The following ASIC2 variants were observed in gnomAD, a reference collection of about 807,000 sequenced individuals.
ASIC2 encodes the protein acid sensing ion channel subunit 2, also known as acid-sensing ion channel 2.
ASIC2 carries 25 observed loss-of-function variants against 57.3 expected under a neutral mutation model. The observed-to-expected ratio is 0.44, with a 90% CI of 0.32 to 0.61. The LOEUF (loss-of-function observed/expected upper bound fraction) is 0.61, where lower values mean the gene tolerates loss of function less well. ASIC2 is among the 20% of genes least tolerant of loss of function. ASIC2 has a pLI of 0.06. For missense variants in ASIC2, 641 were observed against 738.1 expected, an observed-to-expected ratio of 0.87 and a Z score of 1.52; for synonymous variants, 319 against 307.5, an observed-to-expected ratio of 1.04 and a Z score of -0.39.
intron 1 of ASIC2, among the ~76,000 whole-genome samples, chr17:33,891,927 C>G (rs769735154): frequency 4.6e-5 from 7 of 152,172 alleles, no homozygotes; most frequent in Non-Finnish European, 8.8e-5. Context: ...TTTCATTTTT[C>G]TGCTCTATTT....
chr17:33,318,185 G>A (rs1416130229), intron 1 of ASIC2, among the ~76,000 whole-genome samples: 1 of 152,096 alleles, frequency 6.6e-6, no homozygotes, highest in Non-Finnish European at 1.5e-5. Flanking sequence ...CTTCGAGGGG[G>A]CTTGCCCTCC....
At chr17:34,108,369 T>TATTTTATAATTTTATAATTTTATA (rs1249549381) in intron 1 of ASIC2, among the ~76,000 whole-genome samples, 10 of 152,162 alleles carry the variant, frequency 6.6e-5, no homozygotes, top group Non-Finnish European at 1.0e-4. Flanking sequence ...TAGATTGAAA[T>TATTTTATAATTTTATAATTTTATA]ATTTTATAAT....
At chr17:33,132,624 C>G (rs1294079915) in intron 1 of ASIC2, among the ~76,000 whole-genome samples, 67 of 152,186 alleles carry the variant, frequency 4.4e-4, no homozygotes, top group Admixed American at 4.4e-3. Context: ...CACTTGCGAC[C>G]TAGAGCCTCT....
chr17:33,528,466 C>T (rs924149873), intron 1 of ASIC2, among the ~76,000 whole-genome samples: 9 of 152,146 alleles, frequency 5.9e-5, no homozygotes, highest in Admixed American at 4.6e-4. Context: ...AAAAAATTTT[C>T]GACATAATTT....
At chr17:33,682,753 C>A (rs1353113599) in intron 1 of ASIC2, among the ~76,000 whole-genome samples, 1 of 152,142 alleles carries the variant, frequency 6.6e-6, no homozygotes, top group Non-Finnish European at 1.5e-5. Context: ...AGCCTTAAGT[C>A]TTCCAATCAC....
intron 1 of ASIC2, among the ~76,000 whole-genome samples, chr17:33,148,872 T>C (rs1270303833): frequency 6.6e-6 from 1 of 152,122 alleles, no homozygotes; most frequent in African/African-American, 2.4e-5. Context: ...GGCAGGCGGA[T>C]CATCTGAGGT....
At chr17:33,663,162 C>T (rs1440218859) in intron 1 of ASIC2, among the ~76,000 whole-genome samples, 1 of 152,212 alleles carries the variant, frequency 6.6e-6, no homozygotes, top group Non-Finnish European at 1.5e-5. Flanking sequence ...ATATTTCCCC[C>T]ATTTGGCAAA....
chr17:33,477,304 T>C (rs557492028), intron 1 of ASIC2, among the ~76,000 whole-genome samples: 1 of 152,202 alleles, frequency 6.6e-6, no homozygotes, highest in African/African-American at 2.4e-5. Context: ...ACTTCATTTT[T>C]TAAAATTTCT....
At chr17:33,488,228 C>T (rs376047236) in intron 1 of ASIC2, among the ~76,000 whole-genome samples, 1 of 152,096 alleles carries the variant, frequency 6.6e-6, no homozygotes, top group Non-Finnish European at 1.5e-5. Context: ...GTTTGCTTTC[C>T]GTTGTGCTCC....
chr17:34,108,323 T>G (rs1567824966), intron 1 of ASIC2, among the ~76,000 whole-genome samples: 1 of 152,200 alleles, frequency 6.6e-6, no homozygotes, highest in Non-Finnish European at 1.5e-5. Context: ...GATGTGGCTC[T>G]CACAAATTGT....
chr17:33,481,674 C>A (rs1405815631), intron 1 of ASIC2, among the ~76,000 whole-genome samples: 2 of 152,210 alleles, frequency 1.3e-5, no homozygotes, highest in Non-Finnish European at 2.9e-5. Flanking sequence ...TGCATTTAAA[C>A]CTGCTCAAGG....
intron 1 of ASIC2, among the ~76,000 whole-genome samples, chr17:33,599,105 C>G (rs1224899176): frequency 6.6e-6 from 1 of 152,202 alleles, no homozygotes; most frequent in Admixed American, 6.5e-5. Flanking sequence ...GATATCTGCA[C>G]TGTTTACTTC....
intron 1 of ASIC2, among the ~76,000 whole-genome samples, chr17:34,110,736 T>C (rs1464214898): frequency 6.6e-6 from 1 of 152,238 alleles, no homozygotes; most frequent in Non-Finnish European, 1.5e-5. Context: ...GAATAGATTC[T>C]TTATATCCCA....
intron 3 of ASIC2, among the ~76,000 whole-genome samples, chr17:33,050,663 C>T (rs1035208631): frequency 1.3e-4 from 20 of 152,272 alleles, no homozygotes; most frequent in African/African-American, 4.8e-4. Flanking sequence ...CATAGATGAG[C>T]AGATGCAAAC....
At chr17:33,520,875 G>A (rs145262634) in intron 1 of ASIC2, among the ~76,000 whole-genome samples, 14 of 152,242 alleles carry the variant, frequency 9.2e-5, no homozygotes, top group African/African-American at 3.4e-4. Flanking sequence ...CAGGCCCTGG[G>A]GTTAAGCCTG....
chr17:33,578,486 T>C (rs979551632), intron 1 of ASIC2, among the ~76,000 whole-genome samples: 26 of 152,140 alleles, frequency 1.7e-4, no homozygotes, highest in African/African-American at 6.0e-4. Context: ...GTAAAATGGG[T>C]GGGCGAGACA....
chr17:33,845,401 C>A (rs1257639663), intron 1 of ASIC2, among the ~76,000 whole-genome samples: 1 of 152,080 alleles, frequency 6.6e-6, no homozygotes, highest in Non-Finnish European at 1.5e-5. Flanking sequence ...AAGGGTGCAC[C>A]TGTAAACGCA....
intron 3 of ASIC2, among the ~76,000 whole-genome samples, chr17:33,054,928 G>T (rs1288116105): frequency 6.6e-6 from 1 of 152,134 alleles, no homozygotes; most frequent in Non-Finnish European, 1.5e-5. Flanking sequence ...TTCATGCCAC[G>T]CCATTAGCAG....
intron 1 of ASIC2, among the ~76,000 whole-genome samples, chr17:33,152,069 GGA>G (rs1377993330): frequency 6.6e-6 from 1 of 152,128 alleles, no homozygotes; most frequent in Non-Finnish European, 1.5e-5. Context: ...CATCTCCTCT[GGA>G]GACTTTCCCT....
Sources: gnomAD v4.1 joint callset for allele counts (sites outside exome capture counted in the v4.1 genomes callset) on GRCh38, gnomAD v4.1.1 for gene constraint, MANE v1.5 for transcripts, NCBI Gene and HGNC (gene_info 2026-07-23, HGNC 2026-07-21) for gene names.